The following CCDC178 variants were observed in gnomAD, a reference collection of about 807,000 sequenced individuals.
The protein encoded by CCDC178 is coiled-coil domain containing 178, also known as coiled-coil domain-containing protein 178.
A neutral mutation model predicts 117.4 loss-of-function variants in CCDC178; 126 were observed. That is an observed-to-expected ratio of 1.07 (90% confidence interval 0.93 to 1.24). The LOEUF (loss-of-function observed/expected upper bound fraction) is 1.24. CCDC178 is among the 50% of genes most tolerant of loss of function. CCDC178 has a pLI of 0.00. For missense variants in CCDC178, 1,030 were observed against 986.9 expected (o/e 1.04, Z -0.59); for synonymous variants, 283 against 313.4 (o/e 0.90, Z 1.02).
intron 3 of CCDC178, among the ~76,000 whole-genome samples, chr18:33,399,133 G>A (rs1294422278): frequency 6.6e-6 from 1 of 152,026 alleles, no homozygotes; most frequent in East Asian, 1.9e-4. Flanking sequence ...CCGCAAGGCG[G>A]AGGTTGCGCT....
At chr18:33,023,695 C>A (rs2056168334) in intron 21 of CCDC178, among the ~76,000 whole-genome samples, 1 of 151,618 alleles carries the variant, frequency 6.6e-6, no homozygotes, top group South Asian at 2.1e-4. Flanking sequence ...TAAATAAATC[C>A]AAAGCAAGTA....
intron 20 of CCDC178, among the ~76,000 whole-genome samples, chr18:33,098,370 G>A (rs557017301): frequency 6.6e-6 from 1 of 152,028 alleles, no homozygotes; most frequent in African/African-American, 2.4e-5. Flanking sequence ...GAGGGGCTAG[G>A]TTTTTCTTTC....
chr18:33,118,260 C>T (rs1018619604), intron 20 of CCDC178, among the ~76,000 whole-genome samples: 1 of 151,918 alleles, frequency 6.6e-6, no homozygotes, highest in African/African-American at 2.4e-5. Flanking sequence ...GCATTGTCCT[C>T]TAGACAGGGG....
At chr18:33,182,163 G>T (rs1393666720) in intron 20 of CCDC178, among the ~76,000 whole-genome samples, 1 of 151,900 alleles carries the variant, frequency 6.6e-6, no homozygotes, top group East Asian at 1.9e-4. Flanking sequence ...AGAGAACTCA[G>T]ATTAAATAAT....
intron 11 of CCDC178, among the ~76,000 whole-genome samples, chr18:33,319,140 C>T (rs1450455729): frequency 6.6e-6 from 1 of 151,966 alleles, no homozygotes. Flanking sequence ...GTGCTGCACC[C>T]ATTAGCTGGT....
chr18:33,368,843 T>G (rs1190410235), intron 6 of CCDC178, among the ~76,000 whole-genome samples: 1 of 152,156 alleles, frequency 6.6e-6, no homozygotes, highest in African/African-American at 2.4e-5. Flanking sequence ...GTAGCTGTTA[T>G]AATTATTTAT....
At position 33,224,813 on chromosome 18, in the gene CCDC178, C is replaced by T. The variant is rs1233212899; in HGVS notation, c.1780G>A (p.Ala594Thr). 6.5e-7 allele frequency: 1 copy of T among 1,548,458 alleles called. No individual in the cohort carries two copies. Among genetic ancestry groups the T allele is most frequent in the Admixed American group, 1.9e-5 (1 of 51,484 alleles). Reference sequence around the variant, plus strand: ...TTGTCGAGACTTCTGATTCTTTCAGCTTCATCTTCTAGTTGAAGCAGAGGT... The same window carrying T: ...TTGTCGAGACTTCTGATTCTTTCAGTTTCATCTTCTAGTTGAAGCAGAGGT... Reference protein sequence around the residue: ...QEPLLQLEDEAERIRSLDKEH... With the variant: ...QEPLLQLEDETERIRSLDKEH... Residue 594 changes from alanine to threonine, a missense_variant, in exon 17 of 23, where the codon GCT (alanine) becomes ACT (threonine). Ala to Thr is a moderately conservative substitution (Grantham distance 58). Transcript: ENST00000383096.
chr18:33,160,990 T>C (rs2058455174), intron 20 of CCDC178, among the ~76,000 whole-genome samples: 1 of 152,136 alleles, frequency 6.6e-6, no homozygotes. Context: ...ATATGTAACT[T>C]TGGAAAATCT....
At chr18:33,419,914 CT>C (rs57482932) in intron 2 of CCDC178, among the ~76,000 whole-genome samples, 1,643 of 146,298 alleles carry the variant, frequency 0.011, 25 homozygotes, top group African/African-American at 0.035. Context: ...TTCTTTCCTT[CT>C]TTTTTTTTTT....
chr18:33,222,663 G>C (rs1001270718), intron 18 of CCDC178, among the ~76,000 whole-genome samples: 1 of 151,852 alleles, frequency 6.6e-6, no homozygotes, highest in Admixed American at 6.6e-5. Context: ...TGAATTTTGG[G>C]GGAACACAAA....
At chr18:33,252,704 C>T (rs2059631222) in intron 14 of CCDC178, among the ~76,000 whole-genome samples, 1 of 151,852 alleles carries the variant, frequency 6.6e-6, no homozygotes, top group South Asian at 2.1e-4. Flanking sequence ...AAATAAATCA[C>T]CACACTGTTA....
At chr18:33,286,808 AT>A (rs1156499109) in intron 12 of CCDC178, among the ~76,000 whole-genome samples, 4 of 152,292 alleles carry the variant, frequency 2.6e-5, no homozygotes, top group East Asian at 1.9e-4. Flanking sequence ...CCTAAAAGTT[AT>A]TTTTTATTAT....
intron 20 of CCDC178, among the ~76,000 whole-genome samples, chr18:33,094,379 T>C (rs1302452479): frequency 6.6e-6 from 1 of 152,036 alleles, no homozygotes; most frequent in Non-Finnish European, 1.5e-5. Context: ...AATTTAAGAT[T>C]TTGACATTAA....
chr18:33,095,792 T>C (rs2057533506), intron 20 of CCDC178, among the ~76,000 whole-genome samples: 1 of 151,888 alleles, frequency 6.6e-6, no homozygotes, highest in Non-Finnish European at 1.5e-5. Context: ...ATACACACTT[T>C]TAAGTGTATA....
At chr18:33,011,319 T>C (rs1487974683) in intron 21 of CCDC178, among the ~76,000 whole-genome samples, 7 of 152,292 alleles carry the variant, frequency 4.6e-5, no homozygotes, top group Admixed American at 2.0e-4. Context: ...TTAAGTTATT[T>C]TCAAGCTTCA....
intron 21 of CCDC178, among the ~76,000 whole-genome samples, chr18:33,019,406 C>G (rs931796703): frequency 6.6e-6 from 1 of 152,136 alleles, no homozygotes; most frequent in African/African-American, 2.4e-5. Context: ...TGAAGAACAG[C>G]TTACTCTTTT....
chr18:33,207,138 T>C (rs948890388), intron 20 of CCDC178, among the ~76,000 whole-genome samples: 2 of 152,138 alleles, frequency 1.3e-5, no homozygotes, highest in Non-Finnish European at 2.9e-5. Context: ...ATCTTGATAG[T>C]ATCGTGAGAG....
chr18:32,995,679 C>T (rs79135596), intron 21 of CCDC178, among the ~76,000 whole-genome samples: 1,567 of 152,040 alleles, frequency 0.01, 33 homozygotes, highest in African/African-American at 0.036. Flanking sequence ...AACCAAAAAA[C>T]ATAAACTGAG....
chr18:33,030,158 C>T (rs1022397563), intron 21 of CCDC178, among the ~76,000 whole-genome samples: 3 of 151,940 alleles, frequency 2.0e-5, no homozygotes, highest in African/African-American at 7.2e-5. Context: ...TCTGTTGTTT[C>T]CTGCATATAT....
Sources: allele counts gnomAD v4.1 joint callset (sites outside exome capture counted in the v4.1 genomes callset), GRCh38; gene constraint gnomAD v4.1.1; transcripts MANE v1.5; gene names NCBI Gene and HGNC (gene_info 2026-07-23, HGNC 2026-07-21).